Variants in EMSY observed in about 807,000 individuals in gnomAD.
EMSY encodes the protein EMSY transcriptional repressor, BRCA2 interacting.
Under a neutral mutation model 134.6 loss-of-function variants are expected in EMSY, and 26 were observed. The observed-to-expected ratio is 0.19, with a 90% CI of 0.14 to 0.27. EMSY has a LOEUF of 0.27. Among genes scored for constraint, EMSY ranks in the 10% least tolerant of loss-of-function variants. EMSY has a pLI of 1.00. For synonymous variants in EMSY, 579 were observed against 577.8 expected, an observed-to-expected ratio of 1.00 and a Z score of -0.03; for missense variants, 1,305 against 1,611.4, an observed-to-expected ratio of 0.81 and a Z score of 3.26.
At chr11:76,456,622 A>ACTTT (rs2134976074) in intron 4 of EMSY, among the ~76,000 whole-genome samples, 1 of 152,204 alleles carries the variant, frequency 6.6e-6, no homozygotes, top group East Asian at 1.9e-4. Flanking sequence ...TTGTTTCAAA[A>ACTTT]GTAGCATCAA....
exon 9 of EMSY, chr11:76,496,252 ACTT>A: frequency 6.2e-7 from 1 of 1,614,048 alleles, no homozygotes. Context: ...CATCAACCAG[ACTT>A]CCTTCCCCCA....
chr11:76,472,331 A>G (rs1387763095), intron 7 of EMSY, among the ~76,000 whole-genome samples: 1 of 152,332 alleles, frequency 6.6e-6, no homozygotes, highest in East Asian at 1.9e-4. Context: ...TGTATCTTAT[A>G]CAGCGTTGAT....
chr11:76,482,797 G>A (rs1172702827), intron 8 of EMSY, among the ~76,000 whole-genome samples: 1 of 152,186 alleles, frequency 6.6e-6, no homozygotes, highest in Admixed American at 6.5e-5. Flanking sequence ...GAAAGTGACA[G>A]GGAGAATGGA....
chr11:76,473,361 C>T (rs1156565421), intron 8 of EMSY, among the ~76,000 whole-genome samples: 5 of 151,586 alleles, frequency 3.3e-5, no homozygotes, highest in African/African-American at 1.2e-4. Flanking sequence ...GGCTGGAGTG[C>T]AGTGGAGCAA....
intron 5 of EMSY, chr11:76,459,672 A>T (rs1266453073): frequency 2.6e-6 from 1 of 385,840 alleles, no homozygotes; most frequent in Non-Finnish European, 4.7e-6. Context: ...TTTAAACTTT[A>T]TTTCTTTGTA....
chr11:76,496,078 C>A, intron 8 of EMSY, 137 bp from the exon 10 acceptor site: 1 of 866,940 alleles, frequency 1.2e-6, no homozygotes, highest in Non-Finnish European at 1.7e-6. Context: ...TTTTATCTGA[C>A]ACTTACTAGG....
chr11:76,539,572 G>C (rs888312283), intron 16 of EMSY, 27 bp from the exon 18 acceptor site: 5 of 1,611,748 alleles, frequency 3.1e-6, no homozygotes, highest in African/African-American at 1.3e-5. Flanking sequence ...AAAAGACTAT[G>C]ATTTCTTCCC....
rs147208355 is a variant in EMSY, at chr11:76,520,779, C to T, written c.1685-2376C>T. Among the ~76,000 whole-genome samples, 18 of 144,938 alleles carry T rather than the reference C, an allele frequency of 1.2e-4. No individual in the cohort carries two copies. In the East Asian group the frequency reaches 3.7e-3, roughly 30 times the overall value. ...TGTAACTTTGTATACACTAAGTTTA[C>T]ACAAACTTAGTGTAAGTTTGTATAA... On this transcript the variant is annotated intron_variant, in intron 11 of 20. Transcript: ENST00000334736.
chr11:76,460,382 T>C (rs974965360), intron 6 of EMSY: 7 of 234,554 alleles, frequency 3.0e-5, no homozygotes, highest in African/African-American at 1.6e-4. Context: ...ATATTGTGAA[T>C]AGAAACTGAA....
intron 10 of EMSY, among the ~76,000 whole-genome samples, chr11:76,515,930 T>G: frequency 6.6e-6 from 1 of 152,244 alleles, no homozygotes; most frequent in Non-Finnish European, 1.5e-5. Flanking sequence ...CAAAATTTTA[T>G]GTGTAAAATT....
chr11:76,528,203 G>T, intron 13 of EMSY, 65 bp from the exon 15 acceptor site: 1 of 1,410,284 alleles, frequency 7.1e-7, no homozygotes, highest in Non-Finnish European at 9.9e-7. Context: ...TTATGACCTA[G>T]AAGTTTAGCA....
intron 6 of EMSY, 88 bp from the exon 8 acceptor site, chr11:76,463,733 A>G: frequency 1.4e-6 from 2 of 1,424,568 alleles, no homozygotes; most frequent in South Asian, 1.3e-5. Flanking sequence ...CAGAGAGAGG[A>G]CAAGGATGAT....
chr11:76,456,076 C>G (rs1947860711), intron 4 of EMSY, among the ~76,000 whole-genome samples: 1 of 152,120 alleles, frequency 6.6e-6, no homozygotes, highest in South Asian at 2.1e-4. Flanking sequence ...CCCTGTCATA[C>G]TTAGTATAAA....
intron 7 of EMSY, among the ~76,000 whole-genome samples, chr11:76,466,526 G>A (rs957604584): frequency 2.0e-5 from 3 of 152,038 alleles, no homozygotes; most frequent in South Asian, 2.1e-4. Flanking sequence ...GGGATTTTGG[G>A]GAAGGACTGG....
At chr11:76,453,191 T>C in intron 3 of EMSY, 123 bp from the exon 4 acceptor site, 1 of 735,244 alleles carries the variant, frequency 1.4e-6, no homozygotes, top group Non-Finnish European at 2.3e-6. Context: ...CTCCTGTCTA[T>C]ATCTTTTCAC....
intron 9 of EMSY, among the ~76,000 whole-genome samples, chr11:76,500,233 ATACT>A (rs904718509): frequency 2.0e-5 from 3 of 152,208 alleles, no homozygotes; most frequent in Non-Finnish European, 2.9e-5. Flanking sequence ...ACTTAATATA[ATACT>A]TAATGTTACT....
chr11:76,526,694 T>C (rs1189697070), intron 13 of EMSY, 59 bp downstream of exon 14: 2 of 1,435,008 alleles, frequency 1.4e-6, no homozygotes, highest in African/African-American at 1.4e-5. Flanking sequence ...TTCTTATAAT[T>C]CCCGGGTAGA....
chr11:76,546,773 G>A (rs1333390106), intron 20 of EMSY, among the ~76,000 whole-genome samples: 2 of 152,088 alleles, frequency 1.3e-5, no homozygotes, highest in African/African-American at 2.4e-5. Flanking sequence ...TTATGACTCA[G>A]GACAATCAAA....
chr11:76,533,188 A>T (rs557431447), intron 14 of EMSY, among the ~76,000 whole-genome samples: 1 of 152,146 alleles, frequency 6.6e-6, no homozygotes, highest in South Asian at 2.1e-4. Flanking sequence ...AATGATTTAG[A>T]TGTGTAAGGT....
Sources: gnomAD v4.1 joint callset for allele counts (sites outside exome capture counted in the v4.1 genomes callset) on GRCh38, gnomAD v4.1.1 for gene constraint, MANE v1.5 for transcripts, NCBI Gene and HGNC (gene_info 2026-07-23, HGNC 2026-07-21) for gene names.